Variants in TRIP12 observed in about 807,000 individuals in gnomAD.
TRIP12 encodes the protein E3 ubiquitin-protein ligase TRIP12.
In TRIP12, 25 loss-of-function variants were observed where a neutral mutation model predicts 244.2. That is an observed-to-expected ratio of 0.10 (90% CI 0.07 to 0.14). The LOEUF (loss-of-function observed/expected upper bound fraction) is 0.14. Ranked by LOEUF, TRIP12 falls within the 10% of genes least tolerant of loss-of-function variation. TRIP12 has a pLI of 1.00. For synonymous variants in TRIP12, 905 were observed against 873.1 expected, an observed-to-expected ratio of 1.04 and a Z score of -0.64; for missense variants, 1,677 against 2,486.4, an observed-to-expected ratio of 0.67 and a Z score of 6.92.
chr2:229,778,724 G>C lies in TRIP12; in HGVS notation c.5210-137C>G. The C allele has an allele frequency of 7.4e-7, 1 of 1,349,912 alleles. No homozygotes were observed. 83.6% of individuals were successfully genotyped at this position (1,349,912 alleles called of 1,614,324 possible). On this transcript the variant is annotated intron_variant, in intron 35 of 41. Transcript: ENST00000675903. The surrounding 1 kb of genome is among the most constrained non-coding windows in gnomAD (Gnocchi z 4.1). ...CACTGAATGAAGTCCTCTAGAACTG[G>C]ACAGGCCTTCCCTATTTGATAAATG...
chr2:229,831,615 G>A (rs891265481), intron 6 of TRIP12, among the ~76,000 whole-genome samples: 5 of 152,102 alleles, frequency 3.3e-5, no homozygotes, highest in African/African-American at 4.8e-5. Flanking sequence ...TGAGCGGCAG[G>A]GCCAGACTCT....
chr2:229,909,493 G>C (rs2073819154), intron 1 of TRIP12, among the ~76,000 whole-genome samples: 2 of 151,866 alleles, frequency 1.3e-5, no homozygotes, highest in South Asian at 2.1e-4. Flanking sequence ...AGGAGGTTAA[G>C]GCTGCAGTGA....
At position 229,785,788 on chromosome 2, in the gene TRIP12, C is replaced by G; in HGVS notation, c.5063G>C (p.Arg1688Pro). The G allele has an allele frequency of 1.2e-6, 2 of 1,613,774 alleles. No homozygotes were observed. The highest frequency in any genetic ancestry group is 1.7e-6 in the Non-Finnish European group (2 of 1,179,858). The change falls in exon 34 of 42, where the codon CGG (arginine) becomes CCG (proline). Residue 1688 changes from arginine to proline, a missense_variant. Physicochemically the swap from Arg to Pro is moderately radical, Grantham distance 103 (BLOSUM62 -2). Around this residue, in one of 11 missense-constraint regions of TRIP12, gnomAD observed 30 missense variants for 64.7 expected, o/e 0.46. Transcript: ENST00000675903. The part of the protein sequence containing the change: ...ESVMQDLGSS[R>P]AMLEIQYENE... ...TTCATACTGGATTTCTAACATGGCC[C>G]GTGAGCTGCCGAGGTCCTGCATCAC...
Position 229,774,257 on chromosome 2 carries a change from T to C in TRIP12, c.5534A>G (p.Lys1845Arg). ...TTCTAATGCATACTGTAGACTCTCT[T>C]TGGTCTAAAAAACACAAATGGGGGA... ...KRLEQDKSQT[K>R]ESLQYALETL... The change falls in exon 38 of 42, where the codon AAA (lysine) becomes AGA (arginine). Residue 1845 changes from lysine (K) to arginine (R), a missense_variant. Lys to Arg is a conservative substitution (Grantham distance 26). This residue lies in a region of TRIP12 where 171 missense variants were observed against 388.4 expected (regional missense o/e 0.44). Coordinates refer to ENST00000675903, the MANE Select transcript of TRIP12 (RefSeq NM_001348323.3). 6.2e-7 allele frequency: 1 copy of C among 1,606,078 alleles called. No homozygotes were observed. The highest frequency in any genetic ancestry group is 8.5e-7 in the Non-Finnish European group (1 of 1,177,520).
At chr2:229,823,397 G>A (rs2050607877) in intron 8 of TRIP12, among the ~76,000 whole-genome samples, 1 of 152,126 alleles carries the variant, frequency 6.6e-6, no homozygotes, top group Non-Finnish European at 1.5e-5. Flanking sequence ...GGCTTGGCCA[G>A]GCATGGTGGC....
intron 9 of TRIP12, among the ~76,000 whole-genome samples, chr2:229,815,878 A>G (rs889680119): frequency 1.3e-5 from 2 of 152,186 alleles, no homozygotes; most frequent in Admixed American, 6.5e-5. Flanking sequence ...AAATTAATAT[A>G]ATTACTCCAT....
intron 4 of TRIP12, among the ~76,000 whole-genome samples, chr2:229,844,482 A>G (rs1035833): frequency 0.26 from 38,916 of 152,150 alleles, 5,689 homozygotes; most frequent in East Asian, 0.4. Context: ...TACATGATCT[A>G]TGTTAAAGGC....
chr2:229,882,712 C>T (rs2065132536), intron 1 of TRIP12, among the ~76,000 whole-genome samples: 1 of 152,188 alleles, frequency 6.6e-6, no homozygotes, highest in Admixed American at 6.5e-5. Context: ...GTAGTTGTCA[C>T]CTGCCCACCT....
intron 6 of TRIP12, among the ~76,000 whole-genome samples, chr2:229,835,198 T>C (rs1256826082): frequency 2.0e-5 from 3 of 152,198 alleles, no homozygotes; most frequent in African/African-American, 4.8e-5. Context: ...ATGAAGTCAG[T>C]TTTCTAATAC....
chr2:229,800,358 T>G (rs969306011), intron 21 of TRIP12, among the ~76,000 whole-genome samples: 2 of 152,158 alleles, frequency 1.3e-5, no homozygotes, highest in Admixed American at 1.3e-4. Flanking sequence ...AAATAGTTTG[T>G]AACAGCAATA....
chr2:229,851,435 C>A (rs1172518550), intron 4 of TRIP12, among the ~76,000 whole-genome samples: 2 of 152,092 alleles, frequency 1.3e-5, no homozygotes, highest in African/African-American at 4.8e-5. Flanking sequence ...TGTAAATGCA[C>A]CAATTAGCAC....
At chr2:229,829,083 T>C (rs1021512708) in intron 8 of TRIP12, 110 bp downstream of exon 8, 9 of 877,656 alleles carry the variant, frequency 1.0e-5, no homozygotes, top group Middle Eastern at 4.8e-4. Context: ...TTTTTAAAAA[T>C]GGGTTAAAGT....
chr2:229,815,698 C>CG (rs1411144379), intron 9 of TRIP12, among the ~76,000 whole-genome samples: 2 of 149,984 alleles, frequency 1.3e-5, no homozygotes, highest in Non-Finnish European at 2.9e-5. Flanking sequence ...AATGCACTGA[C>CG]ATTTGTTAAC....
chr2:229,869,645 G>A (rs1045565453), intron 2 of TRIP12, among the ~76,000 whole-genome samples: 7 of 152,134 alleles, frequency 4.6e-5, no homozygotes, highest in African/African-American at 1.7e-4. Context: ...AGAGCACGGT[G>A]CTTACTAACG....
chr2:229,799,763 A>G lies in TRIP12; in HGVS notation c.3207-380T>C, dbSNP rs2043790473. Among the ~76,000 whole-genome samples, 4 of 147,676 alleles carry G rather than the reference A, an allele frequency of 2.7e-5. No individual in the cohort carries two copies. In the South Asian group the frequency reaches 8.4e-4, roughly 31 times the overall value. ...GCACTCCAGCCTGGGAGATAGTGAG[A>G]CTCCATCTCAAAAAAAAAAAAAATA... is the stretch of plus-strand genomic sequence containing the variant. On this transcript the variant is annotated intron_variant, in intron 21 of 41. Coordinates refer to ENST00000675903, the MANE Select transcript of TRIP12 (RefSeq NM_001348323.3).
intron 1 of TRIP12, among the ~76,000 whole-genome samples, chr2:229,920,401 G>C (rs1397771869): frequency 6.6e-6 from 1 of 152,126 alleles, no homozygotes; most frequent in African/African-American, 2.4e-5. Context: ...ACTAGGAAAG[G>C]AGACAGCAGG....
At chr2:229,874,089 T>TCAA (rs1482020665) in intron 2 of TRIP12, among the ~76,000 whole-genome samples, 1 of 150,612 alleles carries the variant, frequency 6.6e-6, no homozygotes, top group African/African-American at 2.4e-5. Context: ...TGTTAGTGAA[T>TCAA]CAACACCTTT....
intron 15 of TRIP12, among the ~76,000 whole-genome samples, chr2:229,810,304 G>C (rs1212667547): frequency 6.6e-6 from 1 of 152,206 alleles, no homozygotes; most frequent in Non-Finnish European, 1.5e-5. Context: ...ATGGTCAACT[G>C]CAAGAGCATT....
At chr2:229,860,723 A>T (rs2060331791) in intron 2 of TRIP12, among the ~76,000 whole-genome samples, 192 bp from the exon 3 acceptor site, 1 of 152,174 alleles carries the variant, frequency 6.6e-6, no homozygotes, top group Non-Finnish European at 1.5e-5. Flanking sequence ...TGCCTCTCAG[A>T]ACCACCCCCG....
Sources: gnomAD v4.1 joint callset for allele counts (sites outside exome capture counted in the v4.1 genomes callset) on GRCh38, gnomAD v4.1.1 for gene constraint, gnomAD v4.1.1 regional missense constraint, Gnocchi (gnomAD v3.1) non-coding constraint, MANE v1.5 for transcripts, NCBI Gene and HGNC (gene_info 2026-07-23, HGNC 2026-07-21) for gene names.